RAP1GAP2: variants seen among roughly 807,000 people sequenced by gnomAD.
RAP1GAP2 encodes RAP1 GTPase activating protein 2, also known as rap1 GTPase-activating protein 2.
Under a neutral mutation model 95.0 loss-of-function variants are expected in RAP1GAP2, and 27 were observed. The ratio of observed to expected loss-of-function variants is 0.28; its 90% CI spans 0.21 to 0.39. The LOEUF is 0.39. Ranked by LOEUF, RAP1GAP2 falls within the 10% of genes least tolerant of loss-of-function variation. The pLI is 1.00. For missense variants in RAP1GAP2, 771 were observed against 970.0 expected (o/e 0.79, Z 2.72); for synonymous variants, 373 against 380.9 (o/e 0.98, Z 0.24).
chr17:3,016,268 G>A (rs28485151), intron 17 of RAP1GAP2, among the ~76,000 whole-genome samples: 2,964 of 152,278 alleles, frequency 0.019, 82 homozygotes, highest in African/African-American at 0.056. Flanking sequence ...TTTCCCCAGC[G>A]CACCCAGTGG....
At chr17:2,986,619 T>C (rs547352359) in intron 11 of RAP1GAP2, among the ~76,000 whole-genome samples, 1 of 152,124 alleles carries the variant, frequency 6.6e-6, no homozygotes, top group East Asian at 1.9e-4. Flanking sequence ...ATATGAACAT[T>C]TGTTGCATCA....
chr17:3,028,915 C>G (rs530478915), intron 22 of RAP1GAP2, among the ~76,000 whole-genome samples: 31 of 152,316 alleles, frequency 2.0e-4, no homozygotes, highest in Non-Finnish European at 3.4e-4. Flanking sequence ...ATTCACCTGC[C>G]TCAGCCTTCC....
At chr17:2,759,836 T>C (rs2071210842) in intron 1 of RAP1GAP2, among the ~76,000 whole-genome samples, 1 of 152,128 alleles carries the variant, frequency 6.6e-6, no homozygotes, top group Non-Finnish European at 1.5e-5. Flanking sequence ...TGCATTTGCC[T>C]CCCGAAGTGT....
intron 19 of RAP1GAP2, among the ~76,000 whole-genome samples, chr17:3,021,581 G>A (rs1240048702): frequency 2.0e-5 from 3 of 152,034 alleles, no homozygotes; most frequent in African/African-American, 4.8e-5. Flanking sequence ...GACTACAGGC[G>A]CATGCCACCA....
At chr17:2,974,756 A>G (rs566523257) in intron 8 of RAP1GAP2, among the ~76,000 whole-genome samples, 9 of 152,296 alleles carry the variant, frequency 5.9e-5, no homozygotes, top group African/African-American at 1.9e-4. Flanking sequence ...GAGTTTGATG[A>G]AAAAAATATA....
chr17:2,810,504 C>T (rs2069718539), intron 2 of RAP1GAP2, among the ~76,000 whole-genome samples: 1 of 149,434 alleles, frequency 6.7e-6, no homozygotes, highest in African/African-American at 2.5e-5. Context: ...AATGCTATCC[C>T]TCCCCTGTCC....
At chr17:2,784,042 G>A (rs937548077) in intron 1 of RAP1GAP2, among the ~76,000 whole-genome samples, 2 of 152,086 alleles carry the variant, frequency 1.3e-5, no homozygotes, top group Non-Finnish European at 2.9e-5. Flanking sequence ...GCGCAATCTC[G>A]GCTCACTGCA....
chr17:2,875,776 C>T (rs988454387), intron 2 of RAP1GAP2, among the ~76,000 whole-genome samples: 1 of 152,010 alleles, frequency 6.6e-6, no homozygotes, highest in Non-Finnish European at 1.5e-5. Context: ...CGTGCCTGGG[C>T]CCCTTCCTCT....
intron 2 of RAP1GAP2, among the ~76,000 whole-genome samples, chr17:2,884,633 C>G (rs1567740922): frequency 6.6e-6 from 1 of 152,058 alleles, no homozygotes; most frequent in Non-Finnish European, 1.5e-5. Context: ...CTCGGCCTCC[C>G]AAAATCCTGG....
intron 2 of RAP1GAP2, among the ~76,000 whole-genome samples, chr17:2,893,416 T>C (rs1289869540): frequency 6.6e-6 from 1 of 152,232 alleles, no homozygotes. Context: ...AGGTTCATCC[T>C]GGAAGTCTCA....
Position 2,963,810 on chromosome 17 carries a change from T to A in RAP1GAP2, c.280-46T>A. 6.8e-7 allele frequency: 1 copy of A among 1,475,242 alleles called. No individual in the cohort carries two copies. Among genetic ancestry groups the A allele is most frequent in the Middle Eastern group, 2.3e-4 (1 of 4,408 alleles). The allele number at this position is 1,475,242 out of a possible 1,614,324, so 91.4% of individuals were successfully genotyped here. On this transcript the variant is annotated intron_variant, in intron 6 of 24. Transcript: ENST00000254695. This position sits in a 1 kb window ranked among gnomAD's most constrained non-coding sequence, Gnocchi z 4.8. ...GGGACACCGCCACCGGCCCCCTCCC[T>A]CCCCTGCGGTCCCAGGGGAGCGCAC...
chr17:2,866,265 G>A lies in RAP1GAP2; in HGVS notation c.81-39019G>A, dbSNP rs1252971365. ...CCGCTCAGATCCCACCTTGGCTGTGGTGTGGATTCCCTGCTGGGGAACGTG... is the reference window on the plus strand; with the variant it reads ...CCGCTCAGATCCCACCTTGGCTGTGATGTGGATTCCCTGCTGGGGAACGTG... On this transcript the variant is annotated intron_variant, in intron 2 of 24. Coordinates refer to ENST00000254695, the MANE Select transcript of RAP1GAP2 (RefSeq NM_015085.5). The surrounding 1 kb of genome is among the most constrained non-coding windows in gnomAD (Gnocchi z 4.0). Among the ~76,000 whole-genome samples the A allele has an allele frequency of 1.3e-5, 2 of 152,240 alleles. No individual in the cohort carries two copies. Among genetic ancestry groups the A allele is most frequent in the African/African-American group, 4.8e-5 (2 of 41,468 alleles).
chr17:2,967,678 T>C (rs2044675622), intron 8 of RAP1GAP2, among the ~76,000 whole-genome samples: 1 of 151,986 alleles, frequency 6.6e-6, no homozygotes, highest in Non-Finnish European at 1.5e-5. Flanking sequence ...GTACTTGGAG[T>C]GATTGCCAGG....
At chr17:2,985,804 A>AC (rs1031148857) in intron 11 of RAP1GAP2, among the ~76,000 whole-genome samples, 1 of 152,022 alleles carries the variant, frequency 6.6e-6, no homozygotes, top group Non-Finnish European at 1.5e-5. Flanking sequence ...GGCTTAAAGA[A>AC]CCCCCAAGGT....
rs1031290151 is a variant in RAP1GAP2, at chr17:2,902,077, A to T, written c.81-3207A>T. ...GACGCTCCCTCTGCAGGCTCTAGGG[A>T]AGAATCCTTCCTCGCCTCTTCTAGC... On this transcript the variant is annotated intron_variant, in intron 2 of 24. Coordinates refer to ENST00000254695, the MANE Select transcript of RAP1GAP2 (RefSeq NM_015085.5). The surrounding 1 kb of genome is among the most constrained non-coding windows in gnomAD (Gnocchi z 4.1). Among the ~76,000 whole-genome samples the T allele has an allele frequency of 1.2e-4, 19 of 152,222 alleles. No homozygotes were observed. Among genetic ancestry groups the T allele is most frequent in the Non-Finnish European group, 5.9e-5 (4 of 68,038 alleles).
chr17:3,017,219 A>G (rs1191996700), intron 17 of RAP1GAP2, among the ~76,000 whole-genome samples: 2 of 151,806 alleles, frequency 1.3e-5, no homozygotes, highest in South Asian at 2.1e-4. Flanking sequence ...TCTCACTCTC[A>G]CATGTACTTT....
chr17:2,787,896 A>G (rs2068827814), intron 1 of RAP1GAP2, among the ~76,000 whole-genome samples: 1 of 152,224 alleles, frequency 6.6e-6, no homozygotes, highest in South Asian at 2.1e-4. Context: ...TTGAACTTTT[A>G]GCATATCTTC....
intron 2 of RAP1GAP2, among the ~76,000 whole-genome samples, chr17:2,823,494 C>T (rs1161113071): frequency 6.6e-6 from 1 of 152,224 alleles, no homozygotes; most frequent in African/African-American, 2.4e-5. Context: ...ACCTGACCAT[C>T]CATTCTTAGC....
intron 8 of RAP1GAP2, among the ~76,000 whole-genome samples, chr17:2,968,657 G>A (rs2044717193): frequency 6.6e-6 from 1 of 151,946 alleles, no homozygotes; most frequent in South Asian, 2.1e-4. Flanking sequence ...GAAAACAAAG[G>A]AATAATAAAG....
Sources: gnomAD v4.1 joint callset for allele counts (sites outside exome capture counted in the v4.1 genomes callset) on GRCh38, gnomAD v4.1.1 for gene constraint, Gnocchi (gnomAD v3.1) non-coding constraint, MANE v1.5 for transcripts, NCBI Gene and HGNC (gene_info 2026-07-23, HGNC 2026-07-21) for gene names.